Variants in SH3BP4 observed in about 807,000 individuals in gnomAD.
SH3BP4 encodes SH3 domain binding protein 4.
SH3BP4 carries 33 observed loss-of-function variants against 65.5 expected under a neutral mutation model. The ratio of observed to expected loss-of-function variants is 0.50; its 90% CI spans 0.38 to 0.67. SH3BP4 has a LOEUF of 0.67. SH3BP4 is among the 30% of genes least tolerant of loss of function. The probability of loss-of-function intolerance (pLI) is 0.00; values close to 1 mark genes in which losing one functional copy is unlikely to be tolerated. For missense variants in SH3BP4, 1,134 were observed against 1,261.4 expected (o/e 0.90, Z 1.53); for synonymous variants, 552 against 545.5 (o/e 1.01, Z -0.17).
At chr2:234,996,009 G>A (rs560604730) in intron 2 of SH3BP4, 1 of 152,360 alleles carries the variant, frequency 6.6e-6, no homozygotes, top group Admixed American at 6.5e-5. Context: ...AGGTTTTCTT[G>A]GCTGTTCTTG....
At chr2:235,020,409 A>G (rs963982488) in intron 2 of SH3BP4, among the ~76,000 whole-genome samples, 13 of 152,124 alleles carry the variant, frequency 8.5e-5, no homozygotes, top group African/African-American at 2.2e-4. Context: ...GGGCAGGAGA[A>G]TTGCTTGAAC....
intron 2 of SH3BP4, among the ~76,000 whole-genome samples, chr2:235,031,928 G>A (rs1172230027): frequency 6.6e-6 from 1 of 152,266 alleles, no homozygotes; most frequent in Non-Finnish European, 1.5e-5. Flanking sequence ...AAGCTTTTGG[G>A]AATGCCTCCC....
chr2:235,035,345 T>C lies in SH3BP4; in HGVS notation c.118+225T>C, dbSNP rs186408806. ...TGAAACCCCTTCTTAATACAGGGTA[T>C]GTTTCTTTTTACTTGATAAAATTCG... is the stretch of plus-strand genomic sequence containing the variant. On this transcript the variant is annotated intron_variant, in intron 3 of 5. Transcript: ENST00000392011. This position sits in a 1 kb window ranked among gnomAD's most constrained non-coding sequence, Gnocchi z 5.0. 9.8e-5 allele frequency among the ~76,000 whole-genome samples: 15 copies of C among 152,352 alleles called. No homozygotes were observed. Among genetic ancestry groups the C allele is most frequent in the Admixed American group, 5.2e-4 (8 of 15,302 alleles).
At position 234,966,580 on chromosome 2, in the gene SH3BP4, C is replaced by T. The variant is rs113281484; in HGVS notation, c.-207+14410C>T. Among the ~76,000 whole-genome samples the T allele has an allele frequency of 2.3e-3, 356 of 152,304 alleles. 3 individuals are homozygous for T. Among genetic ancestry groups the T allele is most frequent in the African/African-American group, 6.7e-3 (280 of 41,562 alleles). On this transcript the variant is annotated intron_variant, in intron 1 of 5. Transcript: ENST00000392011. ...AACATAGCAAGTATCTGAAATACCA[C>T]GCAGTAAATCTTGTGTGTGGCACTT...
Position 235,046,763 on chromosome 2 carries a change from A to G in SH3BP4, c.2478+3516A>G, listed in dbSNP as rs1419852502. Reference sequence around the variant, plus strand: ...GAATGAATGAATGATGAATGAATGAATGAATGAATGCAGGCCTTGGGCTGG... The same window carrying G: ...GAATGAATGAATGATGAATGAATGAGTGAATGAATGCAGGCCTTGGGCTGG... On this transcript the variant is annotated intron_variant, in intron 4 of 5. Transcript: ENST00000392011. This position sits in a 1 kb window ranked among gnomAD's most constrained non-coding sequence, Gnocchi z 4.2. Among the ~76,000 whole-genome samples, 2 of 152,132 alleles carry G rather than the reference A, an allele frequency of 1.3e-5. No individual in the cohort carries two copies. Among genetic ancestry groups the G allele is most frequent in the Admixed American group, 1.3e-4 (2 of 15,264 alleles).
In SH3BP4 at chr2:234,968,006, G is replaced by A. The variant is rs191786815; in HGVS notation, c.-207+15836G>A. Among the ~76,000 whole-genome samples, 37 of 152,174 alleles carry A rather than the reference G, an allele frequency of 2.4e-4. No individual in the cohort carries two copies. The East Asian group carries it at 5.2e-3, about 21-fold the overall frequency. ...TTTCCTGCCACCTGTGGAGAAGCCCGCTCCTTCCCTTGCTCAGGTGAGGGC... is the reference window on the plus strand; with the variant it reads ...TTTCCTGCCACCTGTGGAGAAGCCCACTCCTTCCCTTGCTCAGGTGAGGGC... On this transcript the variant is annotated intron_variant, in intron 1 of 5. Transcript: ENST00000392011.
chr2:234,992,123 A>G (rs1463410688), intron 1 of SH3BP4, among the ~76,000 whole-genome samples: 1 of 152,246 alleles, frequency 6.6e-6, no homozygotes, highest in Non-Finnish European at 1.5e-5. Context: ...TGAAAGCCAC[A>G]GTGACGGAGG....
chr2:235,035,400 C>T lies in SH3BP4; in HGVS notation c.118+280C>T, dbSNP rs973087117. ...CAGTGTGGTAGGGAGCTTGGTGGTACAGAAACCCAGGGGAACAGAGAGTGT... is the reference window on the plus strand; with the variant it reads ...CAGTGTGGTAGGGAGCTTGGTGGTATAGAAACCCAGGGGAACAGAGAGTGT... On this transcript the variant is annotated intron_variant, in intron 3 of 5. Coordinates refer to ENST00000392011, the MANE Select transcript of SH3BP4 (RefSeq NM_014521.3). The surrounding 1 kb of genome is among the most constrained non-coding windows in gnomAD (Gnocchi z 5.0). Among the ~76,000 whole-genome samples the T allele has an allele frequency of 7.2e-5, 11 of 152,062 alleles. No individual in the cohort carries two copies. The highest frequency in any genetic ancestry group is 2.7e-4 in the African/African-American group (11 of 41,380).
intron 2 of SH3BP4, among the ~76,000 whole-genome samples, chr2:235,028,632 A>G (rs1189144295): frequency 6.6e-6 from 1 of 152,210 alleles, no homozygotes; most frequent in African/African-American, 2.4e-5. Context: ...AGATGGTCTT[A>G]TGTCCTGGGA....
intron 1 of SH3BP4, among the ~76,000 whole-genome samples, chr2:234,957,018 G>A (rs559352614): frequency 1.1e-4 from 17 of 151,996 alleles, no homozygotes; most frequent in African/African-American, 4.1e-4. Flanking sequence ...TCCCACCATG[G>A]CTAATTTCTT....
chr2:235,050,647 A>G (rs894831187), intron 4 of SH3BP4, among the ~76,000 whole-genome samples: 1 of 151,952 alleles, frequency 6.6e-6, no homozygotes, highest in African/African-American at 2.4e-5. Context: ...AAGTCGCCAA[A>G]AAGGTCACCT....
intron 2 of SH3BP4, among the ~76,000 whole-genome samples, chr2:234,996,701 G>C (rs1693929305): frequency 6.6e-6 from 1 of 152,212 alleles, no homozygotes; most frequent in Non-Finnish European, 1.5e-5. Context: ...AGAAAGCGGG[G>C]GTTTCTAAAA....
intron 5 of SH3BP4, 33 bp from the exon 6 acceptor site, chr2:235,053,559 C>A (rs112467313): frequency 2.3e-5 from 35 of 1,528,116 alleles, no homozygotes; most frequent in Non-Finnish European, 3.1e-5. Flanking sequence ...TTCCTCTCTC[C>A]CTCCTTTTGT....
chr2:235,029,543 C>G (rs866338505), intron 2 of SH3BP4, among the ~76,000 whole-genome samples: 1 of 152,158 alleles, frequency 6.6e-6, no homozygotes, highest in Non-Finnish European at 1.5e-5. Context: ...GAGATAGCCA[C>G]ACCCACAAAC....
chr2:234,969,909 ACACT>A (rs764987217), intron 1 of SH3BP4, among the ~76,000 whole-genome samples: 14 of 151,552 alleles, frequency 9.2e-5, no homozygotes, highest in African/African-American at 3.4e-4. Context: ...ACACTTACAC[ACACT>A]CTGTCACACA....
chr2:235,054,317 T>G lies in SH3BP4; in HGVS notation c.*501T>G, dbSNP rs1696160168. On this transcript the variant is annotated 3_prime_UTR_variant, in exon 6 of 6. Coordinates refer to ENST00000392011, the MANE Select transcript of SH3BP4 (RefSeq NM_014521.3). The stretch of plus-strand genomic sequence containing the variant: ...TGCTCGTTCGGTTGTTGGACCTCTT[T>G]CACTCCCTGCGTGTAAGAAGGTGAA... 1 of 155,414 alleles carries G rather than the reference T, an allele frequency of 6.4e-6. No homozygotes were observed. The allele number at this position is 155,414 out of a possible 1,614,324, so 9.6% of individuals were successfully genotyped here. A position where few individuals can be genotyped will look rare whatever the true frequency, so the allele number is the denominator to read the frequency against.
At chr2:234,969,589 C>T (rs1281828166) in intron 1 of SH3BP4, among the ~76,000 whole-genome samples, 6 of 152,220 alleles carry the variant, frequency 3.9e-5, no homozygotes, top group Non-Finnish European at 1.5e-5. Flanking sequence ...TCTTCCTGGC[C>T]TGCAGACTTC....
intron 2 of SH3BP4, among the ~76,000 whole-genome samples, chr2:235,007,527 G>C (rs1362122218): frequency 1.3e-5 from 2 of 152,190 alleles, no homozygotes; most frequent in Admixed American, 6.5e-5. Flanking sequence ...GCCCAGGACA[G>C]CCCACACAAA....
intron 2 of SH3BP4, among the ~76,000 whole-genome samples, chr2:235,007,951 C>T (rs1320149975): frequency 1.3e-5 from 2 of 152,184 alleles, no homozygotes; most frequent in African/African-American, 2.4e-5. Context: ...GGAGGAGACC[C>T]TCTGAAGGAG....
Sources: gnomAD v4.1 joint callset for allele counts (sites outside exome capture counted in the v4.1 genomes callset) on GRCh38, gnomAD v4.1.1 for gene constraint, Gnocchi (gnomAD v3.1) non-coding constraint, MANE v1.5 for transcripts, NCBI Gene and HGNC (gene_info 2026-07-23, HGNC 2026-07-21) for gene names.